NTNG1: variants seen among roughly 807,000 people sequenced by gnomAD.
The protein encoded by NTNG1 is netrin G1, also known as netrin-G1.
NTNG1 carries 16 observed loss-of-function variants against 54.0 expected under a neutral mutation model. The ratio of observed to expected loss-of-function variants is 0.30; its 90% CI spans 0.20 to 0.45. The LOEUF (loss-of-function observed/expected upper bound fraction) is 0.45. NTNG1 is among the 20% of genes least tolerant of loss of function. The pLI is 1.00. For synonymous variants in NTNG1, 255 were observed against 263.1 expected (o/e 0.97, Z 0.30); for missense variants, 530 against 678.7 (o/e 0.78, Z 2.43).
intron 4 of NTNG1, 169 bp downstream of exon 4, chr1:107,395,495 A>T (rs1233744144): frequency 1.3e-6 from 1 of 764,004 alleles, no homozygotes; most frequent in Admixed American, 1.7e-5. Flanking sequence ...ATCTTTTAGC[A>T]CTCTGATCAT....
At chr1:107,263,588 C>G (rs1663519031) in intron 2 of NTNG1, among the ~76,000 whole-genome samples, 1 of 152,118 alleles carries the variant, frequency 6.6e-6, no homozygotes. Flanking sequence ...TTATCTAGCT[C>G]TTTTCATCTA....
At chr1:107,210,630 G>T (rs1659536352) in intron 2 of NTNG1, among the ~76,000 whole-genome samples, 1 of 152,296 alleles carries the variant, frequency 6.6e-6, no homozygotes, top group African/African-American at 2.4e-5. Flanking sequence ...TCTGTGAAAA[G>T]ATTGTTGAGG....
chr1:107,407,880 G>A (rs1244749886), intron 5 of NTNG1, 172 bp downstream of exon 5: 2 of 754,358 alleles, frequency 2.7e-6, no homozygotes, highest in South Asian at 2.7e-5. Context: ...TGAGAACACA[G>A]ATAAAGTGAT....
At chr1:107,411,489 A>T (rs1172383765) in intron 5 of NTNG1, among the ~76,000 whole-genome samples, 1 of 152,094 alleles carries the variant, frequency 6.6e-6, no homozygotes, top group African/African-American at 2.4e-5. Flanking sequence ...TATTGTAGAA[A>T]CCTGGATAGT....
intron 2 of NTNG1, among the ~76,000 whole-genome samples, chr1:107,292,851 G>A (rs1326585005): frequency 6.6e-6 from 1 of 152,136 alleles, no homozygotes; most frequent in Non-Finnish European, 1.5e-5. Flanking sequence ...GTCAAACTGT[G>A]CACTTGTCTT....
At chr1:107,341,666 T>A (rs183449194) in intron 3 of NTNG1, among the ~76,000 whole-genome samples, 2 of 152,216 alleles carry the variant, frequency 1.3e-5, no homozygotes, top group East Asian at 3.9e-4. Flanking sequence ...ATTGTCACCT[T>A]GACACACAGT....
At chr1:107,463,772 T>A (rs1677429098) in intron 7 of NTNG1, among the ~76,000 whole-genome samples, 1 of 152,030 alleles carries the variant, frequency 6.6e-6, no homozygotes, top group African/African-American at 2.4e-5. Context: ...TCCTTAGGAG[T>A]CATTTCCATA....
chr1:107,140,800 AAAG>A (rs1653601550), upstream of NTNG1: 1 of 152,292 alleles, frequency 6.6e-6, no homozygotes, highest in South Asian at 2.1e-4. Flanking sequence ...GAAATAGAAA[AAAG>A]AAAAAATATC....
rs77890157 is a variant in NTNG1 at position 107,421,935 on chromosome 1, A to C, written c.1088-8815A>C. On this transcript the variant is annotated intron_variant, in intron 5 of 7. Coordinates refer to ENST00000370068, the MANE Select transcript of NTNG1 (RefSeq NM_001113226.3). ...CTTACAAAGAAATGCATTTATTAAT[A>C]AAATCTGAACTTAGTTTGACCCATT... Among the ~76,000 whole-genome samples the C allele has an allele frequency of 7.6e-3, 1,153 of 152,222 alleles. 18 individuals are homozygous for C. The highest frequency in any genetic ancestry group is 0.027 in the African/African-American group (1,111 of 41,550).
intron 2 of NTNG1, among the ~76,000 whole-genome samples, chr1:107,166,704 T>A (rs930848687): frequency 6.6e-6 from 1 of 152,228 alleles, no homozygotes; most frequent in African/African-American, 2.4e-5. Flanking sequence ...ATTTTTTTTT[T>A]ATGAAGATTA....
chr1:107,302,330 A>G (rs766805555), intron 2 of NTNG1, among the ~76,000 whole-genome samples: 10 of 152,102 alleles, frequency 6.6e-5, no homozygotes, highest in Non-Finnish European at 1.3e-4. Context: ...CTTGATCTTG[A>G]TCATGTACAG....
At chr1:107,292,680 T>G (rs146836516) in intron 2 of NTNG1, among the ~76,000 whole-genome samples, 1 of 152,124 alleles carries the variant, frequency 6.6e-6, no homozygotes, top group African/African-American at 2.4e-5. Flanking sequence ...GGTCATTAAG[T>G]TGGTAAGGGA....
intron 2 of NTNG1, among the ~76,000 whole-genome samples, chr1:107,212,501 C>T (rs926295496): frequency 1.3e-5 from 2 of 152,114 alleles, no homozygotes; most frequent in Non-Finnish European, 2.9e-5. Context: ...AAAATCTGTG[C>T]CCATTTAATT....
intron 3 of NTNG1, among the ~76,000 whole-genome samples, chr1:107,358,762 A>T (rs947787305): frequency 6.6e-6 from 1 of 152,152 alleles, no homozygotes; most frequent in Non-Finnish European, 1.5e-5. Context: ...TTTACCCTTC[A>T]GACATTACAA....
chr1:107,263,720 T>G (rs1375885531), intron 2 of NTNG1, among the ~76,000 whole-genome samples: 3 of 152,236 alleles, frequency 2.0e-5, no homozygotes, highest in Non-Finnish European at 4.4e-5. Context: ...ATCCCAGATA[T>G]TCCCTTTGGG....
chr1:107,178,096 G>A (rs531950250), intron 2 of NTNG1, among the ~76,000 whole-genome samples: 1 of 152,144 alleles, frequency 6.6e-6, no homozygotes, highest in Non-Finnish European at 1.5e-5. Context: ...ATGCAACTAA[G>A]TCTTATGTCC....
chr1:107,361,339 A>G, intron 3 of NTNG1, among the ~76,000 whole-genome samples: 1 of 141,630 alleles, frequency 7.1e-6, no homozygotes, highest in African/African-American at 2.6e-5. Flanking sequence ...TCATTATATA[A>G]TGAATATATA....
At chr1:107,396,277 C>G (rs1273044311) in intron 4 of NTNG1, among the ~76,000 whole-genome samples, 1 of 152,066 alleles carries the variant, frequency 6.6e-6, no homozygotes, top group Non-Finnish European at 1.5e-5. Context: ...TCAGGCACTT[C>G]AAAGCAGCAG....
At position 107,148,581 on chromosome 1, in the gene NTNG1, A is replaced by G. The variant is rs1322342334; in HGVS notation, c.-13A>G. On this transcript the variant is annotated 5_prime_UTR_variant, in exon 2 of 8. Coordinates refer to ENST00000370068, the MANE Select transcript of NTNG1 (RefSeq NM_001113226.3). ...CTGCTTTAGTTTCCAAGAAGATTACAAAGAATTTAGAGATGTATTTGTCAA... is the reference window on the plus strand; with the variant it reads ...CTGCTTTAGTTTCCAAGAAGATTACGAAGAATTTAGAGATGTATTTGTCAA... The G allele has an allele frequency of 1.1e-5, 18 of 1,611,330 alleles. No individual in the cohort carries two copies. The highest frequency in any genetic ancestry group is 1.4e-5 in the Non-Finnish European group (17 of 1,178,232).
Sources: allele counts gnomAD v4.1 joint callset (sites outside exome capture counted in the v4.1 genomes callset), GRCh38; gene constraint gnomAD v4.1.1; transcripts MANE v1.5; gene names NCBI Gene and HGNC (gene_info 2026-07-23, HGNC 2026-07-21).